The following LGR4 variants were observed in gnomAD, a reference collection of about 807,000 sequenced individuals.
LGR4 encodes leucine-rich repeat-containing G protein-coupled receptor 4.
A neutral mutation model predicts 84.8 loss-of-function variants in LGR4; 44 were observed. The ratio of observed to expected loss-of-function variants is 0.52; its 90% CI spans 0.41 to 0.67. The LOEUF is 0.67. LGR4 is among the 30% of genes least tolerant of loss of function. LGR4 has a pLI of 0.00. For missense variants in LGR4, 1,032 were observed against 1,131.4 expected (o/e 0.91, Z 1.26); for synonymous variants, 429 against 434.3 (o/e 0.99, Z 0.15).
In LGR4 at chr11:27,368,709, C is replaced by T; in HGVS notation, c.2014G>A (p.Gly672Ser). The T allele has an allele frequency of 1.2e-6, 2 of 1,613,528 alleles. No individual in the cohort carries two copies. Among genetic ancestry groups the T allele is most frequent in the African/African-American group, 1.3e-5 (1 of 74,978 alleles). The change falls in exon 18 of 18, where the codon GGT (glycine) becomes AGT (serine). Residue 672 changes from glycine (G) to serine (S), a missense_variant. By Grantham distance (56) the Gly-to-Ser change is moderately conservative. Transcript: ENST00000379214. ...FRVAALLAFL[G>S]ATVAGCFPLF... is the part of the protein sequence containing the mutation. Reference sequence around the variant, plus strand: ...GGAAAACAGCCTGCTACTGTAGCACCTAGGAAAGCCAAAAGGGCAGCAACC... The same window carrying T: ...GGAAAACAGCCTGCTACTGTAGCACTTAGGAAAGCCAAAAGGGCAGCAACC...
At chr11:27,425,282 G>A (rs1864001209) in intron 1 of LGR4, among the ~76,000 whole-genome samples, 2 of 151,658 alleles carry the variant, frequency 1.3e-5, no homozygotes, top group African/African-American at 4.8e-5. Context: ...ATATATTCTG[G>A]TTGGCCTGGT....
At chr11:27,443,993 C>A (rs879611488) in intron 1 of LGR4, among the ~76,000 whole-genome samples, 1 of 152,084 alleles carries the variant, frequency 6.6e-6, no homozygotes, top group Admixed American at 6.6e-5. Context: ...TTCCTTTTTC[C>A]TTTTGTTTGG....
At chr11:27,450,108 A>G (rs1864457059) in intron 1 of LGR4, among the ~76,000 whole-genome samples, 1 of 152,322 alleles carries the variant, frequency 6.6e-6, no homozygotes, top group South Asian at 2.1e-4. Context: ...ATAATATCCA[A>G]TTCCCTATAT....
intron 1 of LGR4, among the ~76,000 whole-genome samples, chr11:27,427,580 T>G (rs1323239284): frequency 1.3e-5 from 2 of 152,202 alleles, no homozygotes; most frequent in Admixed American, 1.3e-4. Context: ...TGAAATATTT[T>G]TTAAGAAACA....
In LGR4 at chr11:27,369,109, G is replaced by A. The variant is rs771215153; in HGVS notation, c.1614C>T (p.Ser538=). The change falls in exon 18 of 18, where the codon AGC becomes AGT. Residue 538 remains serine, a synonymous_variant. Transcript: ENST00000379214. ...ACCACACAGTAAGACGAATCATCCA[G>A]CTTCCCAGTAAATATTCACAGGGCT... The part of the protein sequence containing the change: ...AFKPCEYLLG[S]WMIRLTVWFI... 4 of 1,609,752 alleles carry A rather than the reference G, an allele frequency of 2.5e-6. No individual in the cohort carries two copies. The South Asian group carries it at 4.4e-5, about 18-fold the overall frequency.
At chr11:27,457,458 G>T (rs952736135) in intron 1 of LGR4, among the ~76,000 whole-genome samples, 2 of 152,146 alleles carry the variant, frequency 1.3e-5, no homozygotes, top group Admixed American at 6.5e-5. Context: ...GCATAGAGGA[G>T]TTTAAAGAAC....
Position 27,368,616 on chromosome 11 carries a change from A to G in LGR4, c.2107T>C (p.Ser703Pro), listed in dbSNP as rs1404076351. The change falls in exon 18 of 18, where the codon TCA becomes CCA. Residue 703 changes from serine to proline, a missense_variant. Physicochemically the swap from Ser to Pro is moderately conservative, Grantham distance 74 (BLOSUM62 -1). Coordinates refer to ENST00000379214, the MANE Select transcript of LGR4 (RefSeq NM_018490.5). ...CLPFPTGETP[S>P]LGFTVTLVLL... Reference sequence around the variant, plus strand: ...ACTAACGTTACAGTGAATCCTAATGATGGCGTTTCACCTGTAGGAAATGGC... The same window carrying G: ...ACTAACGTTACAGTGAATCCTAATGGTGGCGTTTCACCTGTAGGAAATGGC... 11 of 1,613,804 alleles carry G rather than the reference A, an allele frequency of 6.8e-6. No homozygotes were observed. Among genetic ancestry groups the G allele is most frequent in the Non-Finnish European group, 9.3e-6 (11 of 1,179,978 alleles).
At position 27,443,622 on chromosome 11, in the gene LGR4, T is replaced by G. The variant is rs553513077; in HGVS notation, c.185+28496A>C. Among the ~76,000 whole-genome samples the G allele has an allele frequency of 2.0e-4, 31 of 152,322 alleles. No homozygotes were observed. In the South Asian group the frequency reaches 6.4e-3, roughly 32 times the overall value. ...CTGTTAAAAATATGTACATAGGTAT[T>G]TATATACATATACATTGTTTTTTAA... On this transcript the variant is annotated intron_variant, in intron 1 of 17. Coordinates refer to ENST00000379214, the MANE Select transcript of LGR4 (RefSeq NM_018490.5).
At chr11:27,422,730 C>G (rs1863945426) in intron 1 of LGR4, among the ~76,000 whole-genome samples, 1 of 152,220 alleles carries the variant, frequency 6.6e-6, no homozygotes, top group African/African-American at 2.4e-5. Flanking sequence ...CCTAGTACCA[C>G]AAGCTTGGCC....
chr11:27,455,129 G>T (rs560047028), intron 1 of LGR4, among the ~76,000 whole-genome samples: 1 of 152,164 alleles, frequency 6.6e-6, no homozygotes, highest in African/African-American at 2.4e-5. Flanking sequence ...TCAAATTCCT[G>T]GTCTCTAAGT....
chr11:27,384,216 T>C (rs1304935161), intron 6 of LGR4, 120 bp downstream of exon 6: 18 of 665,080 alleles, frequency 2.7e-5, no homozygotes, highest in Non-Finnish European at 3.7e-5. Flanking sequence ...TAATCCAGTA[T>C]CAAAGTGAAT....
intron 1 of LGR4, among the ~76,000 whole-genome samples, chr11:27,437,139 A>G (rs1371155791): frequency 6.6e-6 from 1 of 152,208 alleles, no homozygotes; most frequent in Non-Finnish European, 1.5e-5. Flanking sequence ...AGCTTGGCCC[A>G]GAATGCAAAC....
chr11:27,383,623 T>G (rs943702321), intron 6 of LGR4, among the ~76,000 whole-genome samples: 10 of 152,168 alleles, frequency 6.6e-5, no homozygotes, highest in African/African-American at 2.4e-4. Flanking sequence ...AATAAAATAC[T>G]ACATACCCTG....
chr11:27,391,852 G>A (rs1412145193), intron 3 of LGR4, among the ~76,000 whole-genome samples: 1 of 151,982 alleles, frequency 6.6e-6, no homozygotes, highest in Non-Finnish European at 1.5e-5. Context: ...AGAGATAAAG[G>A]TCCCACCTAG....
intron 1 of LGR4, among the ~76,000 whole-genome samples, chr11:27,439,936 C>T (rs1274776840): frequency 3.7e-5 from 5 of 136,468 alleles, no homozygotes; most frequent in Middle Eastern, 5.4e-3. Flanking sequence ...GACGGAGTCT[C>T]GCTCTGTTGC....
chr11:27,462,128 C>G (rs1358915135), intron 1 of LGR4, among the ~76,000 whole-genome samples: 1 of 152,150 alleles, frequency 6.6e-6, no homozygotes, highest in Non-Finnish European at 1.5e-5. Flanking sequence ...CCACAGCCCC[C>G]AGCCACTGAG....
At chr11:27,452,485 A>C (rs1406854654) in intron 1 of LGR4, among the ~76,000 whole-genome samples, 1 of 152,154 alleles carries the variant, frequency 6.6e-6, no homozygotes, top group African/African-American at 2.4e-5. Context: ...CCACCACTGC[A>C]AAGAAATGCC....
At chr11:27,427,655 T>G (rs1004674467) in intron 1 of LGR4, among the ~76,000 whole-genome samples, 4 of 152,316 alleles carry the variant, frequency 2.6e-5, no homozygotes, top group African/African-American at 9.6e-5. Flanking sequence ...TCCTACACCT[T>G]TGCAACTACC....
Position 27,378,509 on chromosome 11 carries a change from C to T in LGR4, c.1043+188G>A, listed in dbSNP as rs1360721163. ...TCACAAGTATATGATATATTCAAAACCCTAAAACCTAATTCAAATGCACAT... is the reference window on the plus strand; with the variant it reads ...TCACAAGTATATGATATATTCAAAATCCTAAAACCTAATTCAAATGCACAT... On this transcript the variant is annotated intron_variant, in intron 11 of 17. Coordinates refer to ENST00000379214, the MANE Select transcript of LGR4 (RefSeq NM_018490.5). Among the ~76,000 whole-genome samples the T allele has an allele frequency of 2.0e-5, 3 of 152,158 alleles. 1 individual carries two copies. In the South Asian group the frequency reaches 6.2e-4, roughly 32 times the overall value.
Sources: allele counts gnomAD v4.1 joint callset (sites outside exome capture counted in the v4.1 genomes callset), GRCh38; gene constraint gnomAD v4.1.1; transcripts MANE v1.5; gene names NCBI Gene and HGNC (gene_info 2026-07-23, HGNC 2026-07-21).